The following ANO3 variants were observed in gnomAD, a reference collection of about 807,000 sequenced individuals.
The protein encoded by ANO3 is anoctamin-3.
Under a neutral mutation model 144.8 loss-of-function variants are expected in ANO3, and 99 were observed. The ratio of observed to expected loss-of-function variants is 0.68; its 90% CI spans 0.58 to 0.81. The LOEUF is 0.81. Ranked by LOEUF, ANO3 falls within the 30% of genes least tolerant of loss-of-function variation. The pLI is 0.00. For missense variants in ANO3, 905 were observed against 1,202.2 expected (o/e 0.75, Z 3.66); for synonymous variants, 414 against 392.6 (o/e 1.05, Z -0.64).
chr11:26,562,594 G>C (rs1850336390), intron 14 of ANO3, among the ~76,000 whole-genome samples: 1 of 151,846 alleles, frequency 6.6e-6, no homozygotes, highest in Non-Finnish European at 1.5e-5. Flanking sequence ...GAAAATTCCT[G>C]AATTAAGGTA....
intron 10 of ANO3, among the ~76,000 whole-genome samples, chr11:26,540,439 G>A (rs1449103414): frequency 6.6e-6 from 1 of 152,006 alleles, no homozygotes; most frequent in Non-Finnish European, 1.5e-5. Flanking sequence ...GGCAACAAAA[G>A]CCAAAATTGA....
intron 1 of ANO3, among the ~76,000 whole-genome samples, chr11:26,309,896 A>G (rs999981222): frequency 3.3e-5 from 5 of 152,202 alleles, no homozygotes; most frequent in Admixed American, 1.3e-4. Flanking sequence ...GCATATTCAC[A>G]TATGTAATTT....
intron 17 of ANO3, among the ~76,000 whole-genome samples, chr11:26,601,884 G>T (rs2132938090): frequency 6.6e-6 from 1 of 152,196 alleles, no homozygotes; most frequent in South Asian, 2.1e-4. Flanking sequence ...TAGGTTGGTT[G>T]ACAAAAAAAT....
At chr11:26,291,809 T>C (rs1381625644) in intron 1 of ANO3, among the ~76,000 whole-genome samples, 2 of 152,220 alleles carry the variant, frequency 1.3e-5, no homozygotes, top group Non-Finnish European at 1.5e-5. Context: ...CCTTTGTGGG[T>C]AACTCGACCT....
intron 1 of ANO3, among the ~76,000 whole-genome samples, chr11:26,333,390 T>C (rs1038381692): frequency 1.3e-5 from 2 of 151,820 alleles, no homozygotes; most frequent in Admixed American, 6.6e-5. Flanking sequence ...CATGCCATTA[T>C]CCTGCCTCAG....
At chr11:26,473,861 AT>A in intron 4 of ANO3, 1 of 916,070 alleles carries the variant, frequency 1.1e-6, no homozygotes, top group Non-Finnish European at 1.3e-6. Context: ...TTAATAAAAA[AT>A]ACAGATGTTC....
At chr11:26,602,245 GA>G (rs1260250467) in intron 17 of ANO3, among the ~76,000 whole-genome samples, 1 of 152,104 alleles carries the variant, frequency 6.6e-6, no homozygotes, top group Admixed American at 6.5e-5. Context: ...TTAGAATAAA[GA>G]AAAATAAGAC....
At chr11:26,652,591 G>A (rs1193193160) in intron 24 of ANO3, among the ~76,000 whole-genome samples, 1 of 151,866 alleles carries the variant, frequency 6.6e-6, no homozygotes, top group Non-Finnish European at 1.5e-5. Context: ...TATGTATTTT[G>A]CCTCTATTTA....
intron 1 of ANO3, among the ~76,000 whole-genome samples, chr11:26,414,300 T>C (rs1857512367): frequency 6.6e-6 from 1 of 152,090 alleles, no homozygotes; most frequent in Non-Finnish European, 1.5e-5. Flanking sequence ...CGTATGTTTA[T>C]TGCAGCACTA....
At chr11:26,417,539 G>A (rs1230044105) in intron 1 of ANO3, among the ~76,000 whole-genome samples, 1 of 152,030 alleles carries the variant, frequency 6.6e-6, no homozygotes, top group African/African-American at 2.4e-5. Flanking sequence ...GTTTATTAGA[G>A]CAACAGAGTA....
chr11:26,197,032 A>G (rs10400405), intron 1 of ANO3, among the ~76,000 whole-genome samples: 114 of 152,342 alleles, frequency 7.5e-4, no homozygotes, highest in African/African-American at 2.7e-3. Context: ...TGACACACAC[A>G]CATGCATAAC....
chr11:26,426,834 T>C (rs1214654571), intron 1 of ANO3, among the ~76,000 whole-genome samples: 2 of 152,220 alleles, frequency 1.3e-5, no homozygotes, highest in African/African-American at 4.8e-5. Flanking sequence ...CCATGAACTG[T>C]TAGACGTAGA....
At chr11:26,360,892 A>G (rs930976471) in intron 1 of ANO3, among the ~76,000 whole-genome samples, 1 of 152,186 alleles carries the variant, frequency 6.6e-6, no homozygotes, top group Non-Finnish European at 1.5e-5. Context: ...AATGTTTGTG[A>G]CATACCTACT....
intron 6 of ANO3, among the ~76,000 whole-genome samples, chr11:26,523,495 C>G (rs556234401): frequency 2.0e-4 from 30 of 152,142 alleles, no homozygotes; most frequent in Non-Finnish European, 7.3e-5. Context: ...TTTAAAAAGA[C>G]GGCTCCTAAA....
chr11:26,431,657 T>A (rs945152869), intron 1 of ANO3, among the ~76,000 whole-genome samples: 2 of 152,226 alleles, frequency 1.3e-5, no homozygotes, highest in Non-Finnish European at 2.9e-5. Flanking sequence ...ATGTTTGGTT[T>A]TCTGTTCCTG....
chr11:26,387,130 ATTTTTT>A (rs372622053), intron 1 of ANO3, among the ~76,000 whole-genome samples: 10,746 of 128,360 alleles, frequency 0.084, 745 homozygotes, highest in African/African-American at 0.19. Flanking sequence ...CAAATGTAGT[ATTTTTT>A]TTTTTTTTTT....
At chr11:26,434,947 C>T (rs1324192795) in intron 1 of ANO3, among the ~76,000 whole-genome samples, 1 of 152,030 alleles carries the variant, frequency 6.6e-6, no homozygotes, top group Non-Finnish European at 1.5e-5. Flanking sequence ...CCATTTGGTC[C>T]AATGTTGAGT....
At chr11:26,450,860 A>G (rs1017990572) in intron 3 of ANO3, among the ~76,000 whole-genome samples, 3 of 152,198 alleles carry the variant, frequency 2.0e-5, no homozygotes, top group African/African-American at 7.2e-5. Context: ...ATGACATTAT[A>G]GTAAAGAAGA....
At chr11:26,456,779 T>A (rs1859178148) in intron 3 of ANO3, among the ~76,000 whole-genome samples, 1 of 131,888 alleles carries the variant, frequency 7.6e-6, no homozygotes, top group Non-Finnish European at 1.6e-5. Flanking sequence ...TGCACACGTA[T>A]GTTTATTGCG....
Sources: allele counts gnomAD v4.1 joint callset (sites outside exome capture counted in the v4.1 genomes callset), GRCh38; gene constraint gnomAD v4.1.1; transcripts MANE v1.5; gene names NCBI Gene and HGNC (gene_info 2026-07-23, HGNC 2026-07-21).